The following PRMT1 variants were observed in gnomAD, a reference collection of about 807,000 sequenced individuals.
PRMT1 encodes the protein protein arginine N-methyltransferase 1.
A neutral mutation model predicts 47.4 loss-of-function variants in PRMT1; 5 were observed. The ratio of observed to expected loss-of-function variants is 0.11; its 90% CI spans 0.06 to 0.22. The LOEUF is 0.22. Ranked by LOEUF, PRMT1 falls within the 10% of genes least tolerant of loss-of-function variation. The probability of loss-of-function intolerance (pLI) is 1.00; values close to 1 mark genes in which losing one functional copy is unlikely to be tolerated. For synonymous variants in PRMT1, 227 were observed against 204.6 expected (o/e 1.11, Z -0.94); for missense variants, 249 against 518.4 (o/e 0.48, Z 5.05).
At chr19:49,683,459 C>T (rs995543352) in intron 5 of PRMT1, among the ~76,000 whole-genome samples, 5 of 151,804 alleles carry the variant, frequency 3.3e-5, no homozygotes, top group South Asian at 4.2e-4. Flanking sequence ...GAGGCCGAGG[C>T]GGGCGGATCG....
In PRMT1 at chr19:49,680,401, C is replaced by A. The variant is rs2082099779; in HGVS notation, c.91-86C>A. The A allele has an allele frequency of 1.6e-6, 2 of 1,230,696 alleles. No homozygotes were observed. Among genetic ancestry groups the A allele is most frequent in the African/African-American group, 1.5e-5 (1 of 66,010 alleles). The allele number at this position is 1,230,696 out of a possible 1,614,324, so 76.2% of individuals were successfully genotyped here. A position where few individuals can be genotyped will look rare whatever the true frequency, so the allele number is the denominator to read the frequency against. Reference sequence around the variant, plus strand: ...ATGATTTTGGGGGTTCTATACTACTCTTCAGGGAAAAGTAGGGCGCTGGAG... The same window carrying A: ...ATGATTTTGGGGGTTCTATACTACTATTCAGGGAAAAGTAGGGCGCTGGAG... On this transcript the variant is annotated intron_variant, in intron 2 of 10. Transcript: ENST00000454376. This position sits in a 1 kb window ranked among gnomAD's most constrained non-coding sequence, Gnocchi z 4.2.
In PRMT1 at chr19:49,680,463, A is replaced by G; in HGVS notation, c.91-24A>G. On this transcript the variant is annotated intron_variant, in intron 2 of 10. Transcript: ENST00000454376. The surrounding 1 kb of genome is among the most constrained non-coding windows in gnomAD (Gnocchi z 4.2). ...TGTGGGGAGCCCCCAGATCTGACCC[A>G]TGATCCCATCGGCCCCCTCCCAGGT... 1.3e-6 allele frequency: 2 copies of G among 1,587,320 alleles called. No individual in the cohort carries two copies.
Position 49,680,049 on chromosome 19 carries a change from C to A in PRMT1, c.90+124C>A. 1.7e-6 allele frequency: 2 copies of A among 1,187,420 alleles called. No homozygotes were observed. Among genetic ancestry groups the A allele is most frequent in the Non-Finnish European group, 2.4e-6 (2 of 819,016 alleles). The allele number at this position is 1,187,420 out of a possible 1,614,324, so 73.6% of individuals were successfully genotyped here. On this transcript the variant is annotated intron_variant, in intron 2 of 10. Transcript: ENST00000454376. The surrounding 1 kb of genome is among the most constrained non-coding windows in gnomAD (Gnocchi z 4.2). Reference sequence around the variant, plus strand: ...TTGCTTCAAACCAGTTTACCCCAGGCCCCCAGACACTTAGTAGCAACCCCT... The same window carrying A: ...TTGCTTCAAACCAGTTTACCCCAGGACCCCAGACACTTAGTAGCAACCCCT...
At position 49,684,858 on chromosome 19, in the gene PRMT1, A is replaced by T. The variant is rs1462300932; in HGVS notation, c.643+17A>T. On this transcript the variant is annotated intron_variant, in intron 7 of 10. Coordinates refer to ENST00000454376, the MANE Select transcript of PRMT1 (RefSeq NM_001536.6). The surrounding 1 kb of genome is among the most constrained non-coding windows in gnomAD (Gnocchi z 6.2). The stretch of plus-strand genomic sequence containing the variant: ...AGATCCACTGTGAGCGCGGCCCGGG[A>T]GCTGGCGGGCGGGGCCTCGGGTGGG... The T allele has an allele frequency of 6.2e-7, 1 of 1,611,950 alleles. No individual in the cohort carries two copies. The highest frequency in any genetic ancestry group is 2.2e-5 in the East Asian group (1 of 44,830).
At chr19:49,678,045 T>C (rs192786774) in intron 1 of PRMT1, among the ~76,000 whole-genome samples, 4 of 151,734 alleles carry the variant, frequency 2.6e-5, no homozygotes, top group Non-Finnish European at 2.9e-5. Context: ...GGCATCTAGA[T>C]AGAGATTTTC....
intron 5 of PRMT1, among the ~76,000 whole-genome samples, chr19:49,682,646 T>G (rs754123524): frequency 6.6e-6 from 1 of 152,178 alleles, no homozygotes; most frequent in Non-Finnish European, 1.5e-5. Flanking sequence ...TGCATAATTT[T>G]CACGCCAGTA....
Position 49,686,667 on chromosome 19 carries a change from G to A in PRMT1, c.973G>A (p.Val325Met), listed in dbSNP as rs778095501. The A allele has an allele frequency of 6.2e-7, 1 of 1,612,448 alleles. No homozygotes were observed. Among genetic ancestry groups the A allele is most frequent in the Non-Finnish European group, 8.5e-7 (1 of 1,179,504 alleles). Residue 325 changes from valine (V) to methionine (M), a missense_variant, in exon 10 of 11, where the codon GTG becomes ATG. Around this residue, in one of 2 missense-constraint regions of PRMT1, gnomAD observed 190 missense variants for 456.7 expected, o/e 0.42. Transcript: ENST00000454376. ...TVFYMEDYLT[V>M]KTGEEIFGTI... ...GTTCTACATGGAGGACTACCTGACC[G>A]TGAAGACGGGCGAGGAGATCTTCGG...
chr19:49,677,218 C>T, upstream of PRMT1: 5 of 1,386,068 alleles, frequency 3.6e-6, no homozygotes, highest in Middle Eastern at 3.9e-4. Context: ...ATAAGGCGGT[C>T]CCGGGGGAGT....
At chr19:49,676,406 GA>G (rs751105930), upstream of PRMT1, 2 of 152,292 alleles carry the variant, frequency 1.3e-5, no homozygotes, top group Non-Finnish European at 2.9e-5. Flanking sequence ...GCTGTGCTCT[GA>G]TTCACGTTTA....
intron 4 of PRMT1, 42 bp from the exon 5 acceptor site, chr19:49,682,154 G>T (rs975380029): frequency 3.1e-6 from 5 of 1,613,280 alleles, no homozygotes; most frequent in Non-Finnish European, 4.2e-6. Context: ...GGTGATGGGG[G>T]CAGGGGATGG....
Position 49,680,691 on chromosome 19 carries a change from G to A in PRMT1, c.192+103G>A. 4.2e-6 allele frequency: 4 copies of A among 947,218 alleles called. No individual in the cohort carries two copies. Among genetic ancestry groups the A allele is most frequent in the Non-Finnish European group, 6.5e-6 (4 of 613,726 alleles). The allele number at this position is 947,218 out of a possible 1,614,324, so 58.7% of individuals were successfully genotyped here. A position where few individuals can be genotyped will look rare whatever the true frequency, so the allele number is the denominator to read the frequency against. ...CGCATGCGCACTGCTTCCCCTGGCC[G>A]CAGGCCGCCCCCCTGCCCCTCTGCT... On this transcript the variant is annotated intron_variant, in intron 3 of 10. Transcript: ENST00000454376. The surrounding 1 kb of genome is among the most constrained non-coding windows in gnomAD (Gnocchi z 4.2).
At chr19:49,682,092 G>T in intron 4 of PRMT1, 27 bp downstream of exon 4, 1 of 1,613,830 alleles carries the variant, frequency 6.2e-7, no homozygotes. Context: ...GCCAGGCGGG[G>T]CCGGGCCTGA....
At chr19:49,682,583 A>G (rs2082134782) in intron 5 of PRMT1, among the ~76,000 whole-genome samples, 1 of 152,160 alleles carries the variant, frequency 6.6e-6, no homozygotes, top group Non-Finnish European at 1.5e-5. Context: ...ACTAACTTCC[A>G]GAGAAGTCTG....
upstream of PRMT1, among the ~76,000 whole-genome samples, chr19:49,676,833 GT>G (rs2082043023): frequency 6.6e-6 from 1 of 152,228 alleles, no homozygotes; most frequent in African/African-American, 2.4e-5. Context: ...CAAAGGCTGC[GT>G]GACGTCGCTT....
At chr19:49,677,199 C>T (rs950581046), upstream of PRMT1, 30 of 1,309,540 alleles carry the variant, frequency 2.3e-5, no homozygotes, top group African/African-American at 4.4e-4. Flanking sequence ...GGGCCGTGGA[C>T]CCTCTGGTAT....
chr19:49,679,642 A>G (rs1599937638), intron 1 of PRMT1: 1 of 693,968 alleles, frequency 1.4e-6, no homozygotes, highest in Non-Finnish European at 2.6e-6. Context: ...GGGGTGGGCC[A>G]CCATCTCTCC....
chr19:49,683,862 C>CG, intron 5 of PRMT1, 65 bp from the exon 6 acceptor site: 3 of 1,561,712 alleles, frequency 1.9e-6, no homozygotes, highest in Admixed American at 1.9e-5. Flanking sequence ...CTCTAGCCCC[C>CG]GGGGGAGGTG....
In PRMT1 at chr19:49,677,271, G is replaced by A. The variant is rs1339967373; in HGVS notation, c.-10G>A. 6 of 1,421,996 alleles carry A rather than the reference G, an allele frequency of 4.2e-6. No individual in the cohort carries two copies. The highest frequency in any genetic ancestry group is 4.6e-6 in the Non-Finnish European group (5 of 1,084,440). The allele number at this position is 1,421,996 out of a possible 1,614,324, so 88.1% of individuals were successfully genotyped here. The stretch of plus-strand genomic sequence containing the variant: ...CTTGGCGGCCGGAGGAGGAGTAGGT[G>A]CGGGTGAAGATGGCGGCAGCCGAGG... On this transcript the variant is annotated 5_prime_UTR_variant, in exon 1 of 11. Coordinates refer to ENST00000454376, the MANE Select transcript of PRMT1 (RefSeq NM_001536.6).
intron 10 of PRMT1, among the ~76,000 whole-genome samples, chr19:49,686,990 C>T (rs1449488970): frequency 1.3e-5 from 2 of 152,076 alleles, no homozygotes; most frequent in African/African-American, 4.8e-5. Context: ...GAAACCCTGC[C>T]CTCCTGGTGC....
Sources: allele counts gnomAD v4.1 joint callset (sites outside exome capture counted in the v4.1 genomes callset), GRCh38; gene constraint gnomAD v4.1.1; regional missense constraint gnomAD v4.1.1; non-coding constraint Gnocchi (gnomAD v3.1); transcripts MANE v1.5; gene names NCBI Gene and HGNC (gene_info 2026-07-23, HGNC 2026-07-21).